MAMLD1: variants seen among roughly 807,000 people sequenced by gnomAD.
The protein encoded by MAMLD1 is mastermind-like domain-containing protein 1.
A neutral mutation model predicts 45.0 loss-of-function variants in MAMLD1; 14 were observed. The ratio of observed to expected loss-of-function variants is 0.31; its 90% CI spans 0.21 to 0.49. The LOEUF is 0.49. Among genes scored for constraint, MAMLD1 ranks in the 20% least tolerant of loss-of-function variants. The probability of loss-of-function intolerance (pLI) is 0.99; values close to 1 mark genes in which losing one functional copy is unlikely to be tolerated. For missense variants in MAMLD1, 543 were observed against 603.6 expected (o/e 0.90, Z 1.05); for synonymous variants, 254 against 247.8 (o/e 1.02, Z -0.24).
intron 1 of MAMLD1, among the ~76,000 whole-genome samples, chrX:150,383,814 T>C (rs2032787912): frequency 8.9e-6 from 1 of 111,779 alleles, no homozygotes; most frequent in Admixed American, 9.5e-5. Flanking sequence ...TCGGTCTATA[T>C]GGATTTACTT....
rs886201955 is a variant in MAMLD1, at chrX:150,484,015, T to C, written c.2040+10213T>C. Among the ~76,000 whole-genome samples, 7 of 112,648 alleles carry C rather than the reference T, an allele frequency of 6.2e-5. No homozygotes were observed. The East Asian group carries it at 1.9e-3, about 31-fold the overall frequency. The stretch of plus-strand genomic sequence containing the variant: ...TCAGTTCTGAGAGCAGTGAGTGGTC[T>C]TCACTTACACACAGTGTGTTTGTAA... On this transcript the variant is annotated intron_variant, in intron 5 of 7. Transcript: ENST00000370401.
intron 2 of MAMLD1, among the ~76,000 whole-genome samples, chrX:150,450,396 A>G (rs1389703705): frequency 8.9e-6 from 1 of 111,828 alleles, no homozygotes; most frequent in African/African-American, 3.2e-5. Context: ...AAGGCGCGGC[A>G]CAGGTGCAAA....
intron 6 of MAMLD1, chrX:150,504,262 G>A: frequency 1.3e-6 from 1 of 752,597 alleles, no homozygotes; most frequent in Non-Finnish European, 1.6e-6. Flanking sequence ...AATTGCATCT[G>A]GTGCATAAAA....
intron 2 of MAMLD1, among the ~76,000 whole-genome samples, chrX:150,457,844 G>C (rs1271636790): frequency 8.9e-6 from 1 of 112,540 alleles, no homozygotes; most frequent in African/African-American, 3.2e-5. Context: ...TGATGAAAAA[G>C]TTCTGGAACT....
chrX:150,377,075 C>T (rs1190082973), intron 1 of MAMLD1, among the ~76,000 whole-genome samples: 1 of 113,160 alleles, frequency 8.8e-6, no homozygotes. Context: ...CACTCATTCC[C>T]GAACAGCCAC....
rs1167960921 is a variant in MAMLD1, at chrX:150,419,536, A to G, written c.-63-25918A>G. Among the ~76,000 whole-genome samples the G allele has an allele frequency of 2.8e-5, 3 of 107,388 alleles. No homozygotes were observed. The East Asian group carries it at 8.8e-4, about 31-fold the overall frequency. 93.3% of individuals were successfully genotyped at this position (107,388 alleles called of 115,157 possible). A position where few individuals can be genotyped will look rare whatever the true frequency, so the allele number is the denominator to read the frequency against. On this transcript the variant is annotated intron_variant, in intron 1 of 7. Transcript: ENST00000370401. ...TTGATGCAGTTTCTTCCTAGTCTCG[A>G]TGGTCTTTACATTTTGGCATGATTT...
rs1557406532 is a variant in MAMLD1, at chrX:150,471,344, A to G, written c.1771A>G (p.Thr591Ala). 8.3e-7 allele frequency: 1 copy of G among 1,210,980 alleles called. No individual in the cohort carries two copies. Among genetic ancestry groups the G allele is most frequent in the Non-Finnish European group, 1.1e-6 (1 of 895,194 alleles). ...CTCAGCCACTGCCTCCTCCACGGCC[A>G]CTGCCACCTTGCAGCTGCAGCAGCA... ...ASSATASSTA[T>A]ATLQLQQQQQ... Residue 591 changes from threonine to alanine, a missense_variant, in exon 4 of 8, where the codon ACT becomes GCT. By Grantham distance (58) the Thr-to-Ala change is moderately conservative. Transcript: ENST00000370401.
intron 5 of MAMLD1, among the ~76,000 whole-genome samples, chrX:150,494,937 G>C (rs1221493137): frequency 1.8e-5 from 2 of 110,307 alleles, no homozygotes; most frequent in Non-Finnish European, 3.8e-5. Context: ...CGGGTGTGGT[G>C]GCTCACACCT....
intron 1 of MAMLD1, among the ~76,000 whole-genome samples, chrX:150,400,613 T>C (rs1174622676): frequency 1.1e-4 from 12 of 111,830 alleles, no homozygotes; most frequent in African/African-American, 3.3e-4. Flanking sequence ...ATAGCTCTTA[T>C]TATTTTGAAA....
At chrX:150,469,700 T>TTCTCC in intron 3 of MAMLD1, 45 bp from the exon 4 acceptor site, 1 of 912,699 alleles carries the variant, frequency 1.1e-6, no homozygotes, top group Non-Finnish European at 1.5e-6. Context: ...CTCTCTTCCC[T>TTCTCC]TCTCCTCTCC....
intron 1 of MAMLD1, among the ~76,000 whole-genome samples, chrX:150,385,268 G>A (rs1381779339): frequency 1.1e-5 from 1 of 88,292 alleles, no homozygotes; most frequent in Non-Finnish European, 2.2e-5. Flanking sequence ...CTTTATGCCT[G>A]AACAATACTA....
chrX:150,372,537 C>T (rs2032075561), intron 1 of MAMLD1, among the ~76,000 whole-genome samples: 1 of 112,390 alleles, frequency 8.9e-6, no homozygotes, highest in Non-Finnish European at 1.9e-5. Context: ...GAGGAGGGCA[C>T]AGCGTTTCTA....
intron 2 of MAMLD1, among the ~76,000 whole-genome samples, chrX:150,455,907 G>T (rs782541734): frequency 1.8e-5 from 2 of 109,532 alleles, no homozygotes; most frequent in Non-Finnish European, 3.8e-5. Flanking sequence ...AGGAGAATCA[G>T]CAAATTCTCA....
intron 1 of MAMLD1, among the ~76,000 whole-genome samples, chrX:150,433,131 C>T (rs1569564769): frequency 9.0e-6 from 1 of 111,245 alleles, no homozygotes; most frequent in Admixed American, 9.5e-5. Context: ...CTTTCACCTC[C>T]TTGGTTAGCC....
intron 3 of MAMLD1, among the ~76,000 whole-genome samples, chrX:150,469,316 G>A (rs1325317142): frequency 2.7e-5 from 3 of 112,262 alleles, no homozygotes; most frequent in African/African-American, 9.7e-5. Context: ...TTGGCAGCAT[G>A]GTTCATTTAG....
intron 1 of MAMLD1, among the ~76,000 whole-genome samples, chrX:150,412,558 T>A (rs2034149487): frequency 9.0e-6 from 1 of 111,049 alleles, no homozygotes; most frequent in African/African-American, 3.3e-5. Flanking sequence ...CTCAACCCCA[T>A]AGACTCCATG....
At chrX:150,481,017 G>T (rs1314785406) in intron 5 of MAMLD1, among the ~76,000 whole-genome samples, 3 of 112,839 alleles carry the variant, frequency 2.7e-5, no homozygotes, top group Non-Finnish European at 5.6e-5. Context: ...ATATTCTTCT[G>T]CAGGCCCATG....
At chrX:150,388,304 T>C (rs1481967841) in intron 1 of MAMLD1, among the ~76,000 whole-genome samples, 1 of 112,175 alleles carries the variant, frequency 8.9e-6, no homozygotes, top group Non-Finnish European at 1.9e-5. Context: ...GGTTTTGGTC[T>C]GTAGTTTTCT....
rs781975076 is a variant in MAMLD1, at chrX:150,504,882, C to A, written c.2284+1365C>A. 2.5e-4 allele frequency: 189 copies of A among 751,824 alleles called. 1 individual carries two copies. The highest frequency in any genetic ancestry group is 7.6e-4 in the Middle Eastern group (1 of 1,323). 62.0% of individuals were successfully genotyped at this position (751,824 alleles called of 1,213,427 possible). ...CACTAAATCCTCCCTGTCAACACAGCCACTTTGTCAGTCCAGCCTGTGAGT... is the reference window on the plus strand; with the variant it reads ...CACTAAATCCTCCCTGTCAACACAGACACTTTGTCAGTCCAGCCTGTGAGT... On this transcript the variant is annotated intron_variant, in intron 6 of 7. Coordinates refer to ENST00000370401, the MANE Select transcript of MAMLD1 (RefSeq NM_005491.5).
Sources: allele counts gnomAD v4.1 joint callset (sites outside exome capture counted in the v4.1 genomes callset), GRCh38; gene constraint gnomAD v4.1.1; transcripts MANE v1.5; gene names NCBI Gene and HGNC (gene_info 2026-07-23, HGNC 2026-07-21).